The following SUGCT variants were observed in gnomAD, a reference collection of about 807,000 sequenced individuals.
The protein encoded by SUGCT is succinyl-CoA:glutarate CoA-transferase.
Under a neutral mutation model 55.0 loss-of-function variants are expected in SUGCT, and 41 were observed. The ratio of observed to expected loss-of-function variants is 0.74; its 90% CI spans 0.58 to 0.97. The LOEUF (loss-of-function observed/expected upper bound fraction) is 0.97. Ranked by LOEUF, SUGCT falls within the 50% of genes least tolerant of loss-of-function variation. The pLI is 0.00. For missense variants in SUGCT, 568 were observed against 547.8 expected, an observed-to-expected ratio of 1.04 and a Z score of -0.37; for synonymous variants, 187 against 200.4, an observed-to-expected ratio of 0.93 and a Z score of 0.56.
At chr7:40,983,418 C>G in the SUGCT span, among the ~76,000 whole-genome samples, 1 of 152,214 alleles carries the variant, frequency 6.6e-6, no homozygotes, top group Non-Finnish European at 1.5e-5. Context: ...TTCCCAGAGC[C>G]AACACATCTG....
At chr7:40,295,194 A>G (rs1794044678) in intron 8 of SUGCT, among the ~76,000 whole-genome samples, 1 of 152,250 alleles carries the variant, frequency 6.6e-6, no homozygotes, top group African/African-American at 2.4e-5. Flanking sequence ...GTATAATTTA[A>G]TAAGTAAATT....
chr7:40,921,244 T>A, the SUGCT span, among the ~76,000 whole-genome samples: 1 of 152,284 alleles, frequency 6.6e-6, no homozygotes, highest in East Asian at 1.9e-4. Context: ...TTTATTTTTT[T>A]ACAAAATAAT....
At chr7:40,401,024 T>C (rs1252763076) in intron 9 of SUGCT, among the ~76,000 whole-genome samples, 1 of 152,216 alleles carries the variant, frequency 6.6e-6, no homozygotes, top group Non-Finnish European at 1.5e-5. Context: ...TCCTTTCATC[T>C]TCATGTTACT....
intron 12 of SUGCT, among the ~76,000 whole-genome samples, chr7:40,602,889 T>C (rs1798360276): frequency 6.6e-6 from 1 of 152,216 alleles, no homozygotes; most frequent in African/African-American, 2.4e-5. Flanking sequence ...TCTTAGGATA[T>C]TCTCACTTTC....
chr7:40,486,595 A>C (rs1451959332), intron 11 of SUGCT, among the ~76,000 whole-genome samples: 4 of 152,026 alleles, frequency 2.6e-5, no homozygotes, highest in Non-Finnish European at 4.4e-5. Context: ...TTTTTGATGT[A>C]GACACTTACT....
At chr7:40,752,078 A>G (rs1788041328) in intron 13 of SUGCT, among the ~76,000 whole-genome samples, 1 of 152,226 alleles carries the variant, frequency 6.6e-6, no homozygotes, top group Non-Finnish European at 1.5e-5. Context: ...ATGGTTTTCA[A>G]ACATAAGCAT....
At chr7:40,954,143 C>G in the SUGCT span, among the ~76,000 whole-genome samples, 4 of 152,346 alleles carry the variant, frequency 2.6e-5, no homozygotes, top group East Asian at 7.7e-4. Context: ...ACTCAAGCCT[C>G]AGCAATGGCG....
At chr7:40,380,112 A>G (rs1784797746) in intron 9 of SUGCT, among the ~76,000 whole-genome samples, 1 of 152,212 alleles carries the variant, frequency 6.6e-6, no homozygotes, top group African/African-American at 2.4e-5. Context: ...TAGGTCAAAT[A>G]ATGACAATTC....
intron 12 of SUGCT, chr7:40,498,981 G>T: frequency 4.8e-6 from 2 of 417,450 alleles, no homozygotes; most frequent in Non-Finnish European, 9.7e-6. Flanking sequence ...TTCATTTTCC[G>T]TAAAAGTTTT....
the SUGCT span, among the ~76,000 whole-genome samples, chr7:40,993,646 C>T: frequency 1.3e-5 from 2 of 152,156 alleles, no homozygotes; most frequent in Admixed American, 6.5e-5. Context: ...TGACTTGTTT[C>T]CCATTGGCAA....
intron 12 of SUGCT, chr7:40,684,013 T>G (rs1400903110): frequency 6.2e-7 from 1 of 1,610,206 alleles, no homozygotes; most frequent in South Asian, 1.1e-5. Context: ...ATCCTTGTGG[T>G]TGTATGACTG....
At chr7:40,503,149 A>G (rs1792383833) in intron 12 of SUGCT, among the ~76,000 whole-genome samples, 1 of 152,160 alleles carries the variant, frequency 6.6e-6, no homozygotes, top group Non-Finnish European at 1.5e-5. Flanking sequence ...TCCGAGGCCT[A>G]GATACAGAAA....
the SUGCT span, among the ~76,000 whole-genome samples, chr7:40,870,492 C>T: frequency 1.3e-5 from 2 of 152,180 alleles, no homozygotes; most frequent in Admixed American, 1.3e-4. Flanking sequence ...ATAACTCCTC[C>T]ATCTCAAGAT....
chr7:40,481,683 CA>C (rs1481589756), intron 11 of SUGCT, among the ~76,000 whole-genome samples: 1 of 152,020 alleles, frequency 6.6e-6, no homozygotes, highest in Non-Finnish European at 1.5e-5. Context: ...TAACTGTAAG[CA>C]TTAGTAATCA....
chr7:40,479,229 C>G (rs1185807669), intron 11 of SUGCT, among the ~76,000 whole-genome samples: 1 of 152,086 alleles, frequency 6.6e-6, no homozygotes, highest in Non-Finnish European at 1.5e-5. Context: ...CGGTTCATAT[C>G]TTTTGGGTAT....
In SUGCT at chr7:40,377,123, CCTTCCTCTTTCTTTCTTTCTTTCTTT is replaced by C. The variant is rs1562728042; in HGVS notation, c.816+60272_816+60297del. ...CCAAACTTGGAAAGGAAATTTTCAG[CCTTCCTCTTTCTTTCTTTCTTTCTTT>C]CTTTCTTTCTTTCTTTCTTTCTTTC... On this transcript the variant is annotated intron_variant, in intron 9 of 13. Transcript: ENST00000335693. Among the ~76,000 whole-genome samples the C allele has an allele frequency of 3.4e-4, 6 of 17,562 alleles. 3 individuals carry two copies. The East Asian group carries it at 6.5e-3, about 19-fold the overall frequency. The allele number at this position is 17,562 out of a possible 152,430, so 11.5% of individuals were successfully genotyped here.
chr7:40,566,897 C>T (rs1375792424), intron 12 of SUGCT, among the ~76,000 whole-genome samples: 2 of 152,100 alleles, frequency 1.3e-5, no homozygotes, highest in Admixed American at 1.3e-4. Flanking sequence ...AAGGGATTTT[C>T]CTTCCTTTTT....
the SUGCT span, among the ~76,000 whole-genome samples, chr7:40,927,945 T>G: frequency 5.8e-3 from 883 of 152,298 alleles, 34 homozygotes; most frequent in Admixed American, 0.046. Flanking sequence ...TATTTTTCCT[T>G]GGCATTTAAA....
chr7:40,255,660 CAAAAAAAAA>C (rs70996898), intron 7 of SUGCT, among the ~76,000 whole-genome samples: 2 of 54,208 alleles, frequency 3.7e-5, no homozygotes, highest in South Asian at 1.0e-3. Context: ...GACTCTGTAT[CAAAAAAAAA>C]AAAAAAAAAA....
Sources: gnomAD v4.1 joint callset for allele counts (sites outside exome capture counted in the v4.1 genomes callset) on GRCh38, gnomAD v4.1.1 for gene constraint, MANE v1.5 for transcripts, NCBI Gene and HGNC (gene_info 2026-07-23, HGNC 2026-07-21) for gene names.